Variants in NDEL1 observed in about 807,000 individuals in gnomAD.
NDEL1 encodes the protein nudE neurodevelopment protein 1 like 1.
Under a neutral mutation model 45.7 loss-of-function variants are expected in NDEL1, and 9 were observed. The ratio of observed to expected loss-of-function variants is 0.20; its 90% CI spans 0.12 to 0.34. The LOEUF is 0.34. NDEL1 is among the 10% of genes least tolerant of loss of function. The probability of loss-of-function intolerance (pLI) is 1.00; values close to 1 mark genes in which losing one functional copy is unlikely to be tolerated. For synonymous variants in NDEL1, 133 were observed against 158.6 expected, an observed-to-expected ratio of 0.84 and a Z score of 1.21; for missense variants, 306 against 406.2, an observed-to-expected ratio of 0.75 and a Z score of 2.12.
At chr17:8,421,524 G>T (rs752340955) in intron 1 of NDEL1, among the ~76,000 whole-genome samples, 1 of 152,168 alleles carries the variant, frequency 6.6e-6, no homozygotes, top group Non-Finnish European at 1.5e-5. Context: ...GAGGAGGCAA[G>T]AAACTGACTC....
Position 8,448,605 on chromosome 17 carries a change from C to T in NDEL1, c.445C>T (p.Arg149Ter), listed in dbSNP as rs755734106. 7 of 1,614,092 alleles carry T rather than the reference C, an allele frequency of 4.3e-6. No individual in the cohort carries two copies. The highest frequency in any genetic ancestry group is 5.9e-6 in the Non-Finnish European group (7 of 1,179,996). The part of the protein sequence containing the change: ...FEQRLNQAIE[R>*]NAFLESELDE... Reference sequence around the variant, plus strand: ...ACAAAGGCTAAACCAGGCCATTGAACGAAATGCATTTTTAGAAAGTGAACT... The same window carrying T: ...ACAAAGGCTAAACCAGGCCATTGAATGAAATGCATTTTTAGAAAGTGAACT... Residue 149 changes from arginine to a stop codon, truncating the protein, a stop_gained, in exon 5 of 9, where the codon CGA becomes TGA. Transcript: ENST00000334527. LOFTEE classifies it high-confidence loss of function.
intron 6 of NDEL1, among the ~76,000 whole-genome samples, chr17:8,453,077 C>A (rs1033161918): frequency 2.0e-5 from 3 of 152,080 alleles, no homozygotes; most frequent in Non-Finnish European, 4.4e-5. Context: ...AAGCAACTTA[C>A]CATAAAAGCA....
rs1053450567 is a variant in NDEL1 at position 8,418,625 on chromosome 17, G to C, written c.-13+5356G>C. On this transcript the variant is annotated intron_variant, in intron 1 of 4. Transcript: ENST00000582812. ...CAGCTCTATAAAAAAGTTTATGGCTGCTTCCTTCCTTCCTTCCTTCTTTCC... is the reference window on the plus strand; with the variant it reads ...CAGCTCTATAAAAAAGTTTATGGCTCCTTCCTTCCTTCCTTCCTTCTTTCC... Among the ~76,000 whole-genome samples, 5 of 151,644 alleles carry C rather than the reference G, an allele frequency of 3.3e-5. No homozygotes were observed. In the South Asian group the frequency reaches 6.3e-4, roughly 19 times the overall value.
At chr17:8,438,587 C>G (rs963654999) in intron 1 of NDEL1, among the ~76,000 whole-genome samples, 20 of 152,062 alleles carry the variant, frequency 1.3e-4, no homozygotes, top group Admixed American at 1.1e-3. Flanking sequence ...GTGATTACAG[C>G]TTACTGCAGC....
At chr17:8,418,646 T>TTTCC (rs1016492860) in intron 1 of NDEL1, among the ~76,000 whole-genome samples, 5 of 151,362 alleles carry the variant, frequency 3.3e-5, no homozygotes. Context: ...TCCTTCCTTC[T>TTTCC]TTCCTTCCTT....
At chr17:8,423,185 C>A (rs530529939) in intron 1 of NDEL1, among the ~76,000 whole-genome samples, 1 of 152,062 alleles carries the variant, frequency 6.6e-6, no homozygotes, top group South Asian at 2.1e-4. Context: ...GTTCTTATTT[C>A]GAAAATGGTC....
intron 7 of NDEL1, 111 bp from the exon 8 acceptor site, chr17:8,459,898 T>G (rs1357490194): frequency 9.1e-7 from 1 of 1,101,632 alleles, no homozygotes; most frequent in African/African-American, 1.6e-5. Context: ...ACCACCATTA[T>G]CAACTGAGAT....
chr17:8,449,157 A>G (rs1485298832), intron 5 of NDEL1, among the ~76,000 whole-genome samples: 8 of 152,058 alleles, frequency 5.3e-5, no homozygotes, highest in Non-Finnish European at 1.2e-4. Flanking sequence ...TGATTTTTGT[A>G]TTTTTAGTAG....
At chr17:8,437,594 A>T (rs183434431) in intron 1 of NDEL1, among the ~76,000 whole-genome samples, 1 of 152,336 alleles carries the variant, frequency 6.6e-6, no homozygotes, top group Admixed American at 6.5e-5. Context: ...TTTATGATCA[A>T]CTTTGAAGAG....
At chr17:8,447,577 A>G (rs1369934027) in intron 4 of NDEL1, among the ~76,000 whole-genome samples, 33 of 151,972 alleles carry the variant, frequency 2.2e-4, no homozygotes, top group Admixed American at 2.2e-3. Flanking sequence ...CCTCTAGCTG[A>G]TATATCTTTA....
chr17:8,448,402 G>A, intron 4 of NDEL1, 148 bp from the exon 5 acceptor site: 1 of 736,366 alleles, frequency 1.4e-6, no homozygotes, highest in Non-Finnish European at 2.2e-6. Flanking sequence ...TGCCAGCAGT[G>A]GTCAGGAAGG....
At chr17:8,451,251 T>G (rs1030816564) in intron 6 of NDEL1, among the ~76,000 whole-genome samples, 8 of 152,190 alleles carry the variant, frequency 5.3e-5, no homozygotes, top group African/African-American at 1.9e-4. Flanking sequence ...GGTAGAAAAT[T>G]TTAAAAACAC....
At chr17:8,462,472 A>G (rs1911271651) in intron 8 of NDEL1, among the ~76,000 whole-genome samples, 1 of 151,278 alleles carries the variant, frequency 6.6e-6, no homozygotes. Context: ...CTGGCTTTTT[A>G]CCTCTGGCTT....
At chr17:8,431,550 A>T (rs973716692), upstream of NDEL1, among the ~76,000 whole-genome samples, 5 of 152,212 alleles carry the variant, frequency 3.3e-5, no homozygotes, top group Non-Finnish European at 7.3e-5. Context: ...CTTGAGTAGC[A>T]ATATAATAGT....
At chr17:8,436,116 G>A (rs914653738) in intron 1 of NDEL1, 71 bp downstream of exon 1, 9 of 300,262 alleles carry the variant, frequency 3.0e-5, no homozygotes, top group African/African-American at 4.7e-5. Flanking sequence ...CTGCCCTTGG[G>A]GAGCCTTCCC....
At chr17:8,455,568 T>C (rs1200092180) in intron 7 of NDEL1, among the ~76,000 whole-genome samples, 2 of 150,770 alleles carry the variant, frequency 1.3e-5, no homozygotes, top group Non-Finnish European at 2.9e-5. Context: ...ATGCCTGTAA[T>C]CCCAGCTACT....
chr17:8,423,565 T>TC (rs1303666041), intron 1 of NDEL1, among the ~76,000 whole-genome samples: 20 of 152,190 alleles, frequency 1.3e-4, no homozygotes, highest in Non-Finnish European at 2.1e-4. Context: ...ATTCCTGTAA[T>TC]CCCACCTATT....
At chr17:8,460,301 A>G in intron 8 of NDEL1, 141 bp downstream of exon 8, 2 of 912,300 alleles carry the variant, frequency 2.2e-6, no homozygotes, top group South Asian at 1.8e-5. Context: ...CTTAGGTGAC[A>G]TGACGTCTGT....
intron 1 of NDEL1, among the ~76,000 whole-genome samples, chr17:8,429,390 A>G (rs1290151509): frequency 6.6e-6 from 1 of 152,230 alleles, no homozygotes; most frequent in Non-Finnish European, 1.5e-5. Context: ...GGGAGATTGG[A>G]CATCTCTGTA....
Sources: allele counts gnomAD v4.1 joint callset (sites outside exome capture counted in the v4.1 genomes callset), GRCh38; gene constraint gnomAD v4.1.1; transcripts MANE v1.5; gene names NCBI Gene and HGNC (gene_info 2026-07-23, HGNC 2026-07-21).